Variants in SCARF1 observed in about 807,000 individuals in gnomAD.
SCARF1 encodes acetyl LDL receptor.
Under a neutral mutation model 76.3 loss-of-function variants are expected in SCARF1, and 49 were observed. The observed-to-expected ratio is 0.64, with a 90% confidence interval of 0.51 to 0.81. The LOEUF is 0.81. Among genes scored for constraint, SCARF1 ranks in the 40% least tolerant of loss-of-function variants. SCARF1 has a pLI of 0.00. For synonymous variants in SCARF1, 495 were observed against 474.6 expected, an observed-to-expected ratio of 1.04 and a Z score of -0.56; for missense variants, 1,098 against 1,143.9, an observed-to-expected ratio of 0.96 and a Z score of 0.58.
chr17:1,639,658 G>A lies in SCARF1; in HGVS notation c.1224C>T (p.Val408=). 1 of 1,572,864 alleles carries A rather than the reference G, an allele frequency of 6.4e-7. No individual in the cohort carries two copies. The highest frequency in any genetic ancestry group is 8.6e-7 in the Non-Finnish European group (1 of 1,159,040). ...CCTTACCTGGCTGGCAGGACCCAGA[G>A]ACAGGGTGGCAGAGTCCCTCTGGGC... is the stretch of plus-strand genomic sequence containing the variant. ...CECPEGLCHP[V]SGSCQPGSGS... The change falls in exon 7 of 11, where the codon GTC becomes GTT. Residue 408 remains valine, a synonymous_variant. Transcript: ENST00000263071.
In SCARF1 at chr17:1,639,937, A is replaced by G; in HGVS notation, c.1114T>C (p.Cys372Arg). The change falls in exon 6 of 11, where the codon TGC becomes CGC. Residue 372 changes from cysteine to arginine, a missense_variant. Physicochemically the swap from Cys to Arg is radical, Grantham distance 180 (BLOSUM62 -3). Coordinates refer to ENST00000263071, the MANE Select transcript of SCARF1 (RefSeq NM_003693.4). ...CTGGGCCCCCAGTAGCCGGCACTGC[A>G]GACACAGTCCCCTGTCACAGTATCA... Reference protein sequence around the residue: ...SCDTVTGDCVCSAGYWGPSCN... With the variant: ...SCDTVTGDCVRSAGYWGPSCN... 1.2e-6 allele frequency: 2 copies of G among 1,613,988 alleles called. No individual in the cohort carries two copies. The highest frequency in any genetic ancestry group is 1.7e-6 in the Non-Finnish European group (2 of 1,179,962).
Position 1,644,621 on chromosome 17 carries a change from G to A in SCARF1, c.265+213C>T. 1 of 600,858 alleles carries A rather than the reference G, an allele frequency of 1.7e-6. No homozygotes were observed. The highest frequency in any genetic ancestry group is 3.0e-6 in the Non-Finnish European group (1 of 336,342). The allele number at this position is 600,858 out of a possible 1,614,324, so 37.2% of individuals were successfully genotyped here. A position where few individuals can be genotyped will look rare whatever the true frequency, so the allele number is the denominator to read the frequency against. ...AGAGGAAGATGCTCAGGTGGGCAGT[G>A]CTTTGTGGATGTGGGTAAAAACCCG... On this transcript the variant is annotated intron_variant, in intron 3 of 10. Coordinates refer to ENST00000263071, the MANE Select transcript of SCARF1 (RefSeq NM_003693.4). This position sits in a 1 kb window ranked among gnomAD's most constrained non-coding sequence, Gnocchi z 4.8.
Position 1,640,713 on chromosome 17 carries a change from A to C in SCARF1, c.792-47T>G. ...GGGAACAGTGGGGGTGGATGGATGG[A>C]GCGCCCACCCCCTCCTACCCCTGTA... is the stretch of plus-strand genomic sequence containing the variant. On this transcript the variant is annotated intron_variant, in intron 4 of 10. Transcript: ENST00000263071. The surrounding 1 kb of genome is among the most constrained non-coding windows in gnomAD (Gnocchi z 4.7). 1 of 1,533,308 alleles carries C rather than the reference A, an allele frequency of 6.5e-7. No homozygotes were observed. The highest frequency in any genetic ancestry group is 8.9e-7 in the Non-Finnish European group (1 of 1,118,810). The allele number at this position is 1,533,308 out of a possible 1,614,324, so 95.0% of individuals were successfully genotyped here.
chr17:1,641,730 TA>T (rs1410875504), intron 4 of SCARF1, among the ~76,000 whole-genome samples: 1 of 152,196 alleles, frequency 6.6e-6, no homozygotes, highest in Non-Finnish European at 1.5e-5. Flanking sequence ...ATTTTATTAT[TA>T]TTTTCTTCAA....
intron 7 of SCARF1, among the ~76,000 whole-genome samples, 168 bp from the exon 8 acceptor site, chr17:1,639,094 A>G (rs1234748649): frequency 1.3e-5 from 2 of 152,202 alleles, no homozygotes; most frequent in Non-Finnish European, 2.9e-5. Context: ...CCCTGAGGCC[A>G]TGTCAGTGTC....
intron 7 of SCARF1, among the ~76,000 whole-genome samples, chr17:1,639,201 C>T (rs1909837996): frequency 6.6e-6 from 1 of 152,182 alleles, no homozygotes; most frequent in Admixed American, 6.5e-5. Flanking sequence ...CCACACAGAG[C>T]TCAGGTATAA....
rs563594671 is a variant in SCARF1, at chr17:1,634,271, C to A, written c.*487G>T. On this transcript the variant is annotated 3_prime_UTR_variant, in exon 11 of 11. Coordinates refer to ENST00000263071, the MANE Select transcript of SCARF1 (RefSeq NM_003693.4). Reference sequence around the variant, plus strand: ...AAGCGTGGTGGAGGGCACCTGTAGTCCCAGCTACTCGGGAGGCTGAGGCAG... The same window carrying A: ...AAGCGTGGTGGAGGGCACCTGTAGTACCAGCTACTCGGGAGGCTGAGGCAG... 56 of 198,914 alleles carry A rather than the reference C, an allele frequency of 2.8e-4. No homozygotes were observed. The highest frequency in any genetic ancestry group is 9.1e-4 in the Admixed American group (15 of 16,542). The allele number at this position is 198,914 out of a possible 1,614,324, so 12.3% of individuals were successfully genotyped here.
chr17:1,640,844 C>G lies in SCARF1; in HGVS notation c.792-178G>C, dbSNP rs934714061. Among the ~76,000 whole-genome samples, 3 of 152,156 alleles carry G rather than the reference C, an allele frequency of 2.0e-5. No individual in the cohort carries two copies. Among genetic ancestry groups the G allele is most frequent in the African/African-American group, 7.2e-5 (3 of 41,426 alleles). ...GTTGTACAATGAGGACAAATGAGGG[C>G]TCTTACAGGATCCCATCCCTTTCCT... On this transcript the variant is annotated intron_variant, in intron 4 of 10. Transcript: ENST00000263071. The surrounding 1 kb of genome is among the most constrained non-coding windows in gnomAD (Gnocchi z 4.7).
In SCARF1 at chr17:1,635,020, C is replaced by T; in HGVS notation, c.2231G>A (p.Gly744Asp). ...QALNRKKGSP[G>D]LASGSVGQSP... is the part of the protein sequence containing the mutation. ...CTGGCCGACAGAGCCAGAGGCAAGG[C>T]CAGGGCTGCCCTTTTTCCGATTCAG... Residue 744 changes from glycine to aspartate, a missense_variant, in exon 11 of 11, where the codon GGC becomes GAC. Coordinates refer to ENST00000263071, the MANE Select transcript of SCARF1 (RefSeq NM_003693.4). 6.2e-7 allele frequency: 1 copy of T among 1,613,844 alleles called. No homozygotes were observed. The highest frequency in any genetic ancestry group is 1.1e-5 in the South Asian group (1 of 91,082).
rs1363714685 is a variant in SCARF1 at position 1,636,961 on chromosome 17, T to TG, written c.1465dup (p.His489ProfsTer32). The TG allele has an allele frequency of 6.2e-7, 1 of 1,613,958 alleles. No individual in the cohort carries two copies. The highest frequency in any genetic ancestry group is 1.7e-5 in the Admixed American group (1 of 60,012). The stretch of plus-strand genomic sequence containing the variant: ...CTGACCTGTCACCCAGGGTAGCTTG[T>TG]GGGAGCTGAGGGAACGGCAGGGCAG... On this transcript the variant is annotated frameshift_variant, in exon 9 of 11. Coordinates refer to ENST00000263071, the MANE Select transcript of SCARF1 (RefSeq NM_003693.4). LOFTEE classifies it high-confidence loss of function.
chr17:1,643,499 C>T lies in SCARF1; in HGVS notation c.734G>A (p.Gly245Glu). Residue 245 changes from glycine to glutamate, a missense_variant, in exon 4 of 11, where the codon GGA (glycine) becomes GAA (glutamate). Physicochemically the swap from Gly to Glu is moderately conservative, Grantham distance 98 (BLOSUM62 -2). Coordinates refer to ENST00000263071, the MANE Select transcript of SCARF1 (RefSeq NM_003693.4). Reference sequence around the variant, plus strand: ...CGGGCAGGGCAGCTCGCAGCGCGCTCCGCGGAAGCCGGGCGGGCAGGTGCA... The same window carrying T: ...CGGGCAGGGCAGCTCGCAGCGCGCTTCGCGGAAGCCGGGCGGGCAGGTGCA... The part of the protein sequence containing the change: ...GECTCPPGFR[G>E]ARCELPCPAG... The T allele has an allele frequency of 7.5e-7, 1 of 1,342,004 alleles. No homozygotes were observed. The allele number at this position is 1,342,004 out of a possible 1,614,324, so 83.1% of individuals were successfully genotyped here. A position where few individuals can be genotyped will look rare whatever the true frequency, so the allele number is the denominator to read the frequency against.
rs1289594070 is a variant in SCARF1, at chr17:1,639,970, C to T, written c.1081G>A (p.Gly361Arg). 7 of 1,613,958 alleles carry T rather than the reference C, an allele frequency of 4.3e-6. No individual in the cohort carries two copies. Among genetic ancestry groups the T allele is most frequent in the Non-Finnish European group, 5.9e-6 (7 of 1,180,006 alleles). The change falls in exon 6 of 11, where the codon GGG (glycine) becomes AGG (arginine). Residue 361 changes from glycine to arginine, a missense_variant. Physicochemically the swap from Gly to Arg is moderately radical, Grantham distance 125. Transcript: ENST00000263071. ...CGSTCPTCVQ[G>R]SCDTVTGDCV... ...TCCCCTGTCACAGTATCACAGGACC[C>T]CTGAACACAGGTGGGGCAGGTAGAG... is the stretch of plus-strand genomic sequence containing the variant.
chr17:1,642,012 G>A (rs1371588247), intron 4 of SCARF1, among the ~76,000 whole-genome samples: 7 of 152,188 alleles, frequency 4.6e-5, no homozygotes, highest in South Asian at 2.1e-4. Flanking sequence ...GTGAGCCACC[G>A]CGCCCAGCCA....
chr17:1,640,119 A>G lies in SCARF1; in HGVS notation c.1011-79T>C. 6.6e-7 allele frequency: 1 copy of G among 1,521,476 alleles called. No homozygotes were observed. The highest frequency in any genetic ancestry group is 8.9e-7 in the Non-Finnish European group (1 of 1,125,868). The allele number at this position is 1,521,476 out of a possible 1,614,324, so 94.2% of individuals were successfully genotyped here. The stretch of plus-strand genomic sequence containing the variant: ...CTGTGGGGCCCCACCCCTCCGCCCC[A>G]CGCTCCTGGACTCAAGGACCCAACT... On this transcript the variant is annotated intron_variant, in intron 5 of 10. Transcript: ENST00000263071. The surrounding 1 kb of genome is among the most constrained non-coding windows in gnomAD (Gnocchi z 4.7).
chr17:1,640,881 G>T lies in SCARF1; in HGVS notation c.792-215C>A, dbSNP rs949849822. On this transcript the variant is annotated intron_variant, in intron 4 of 10. Transcript: ENST00000263071. This position sits in a 1 kb window ranked among gnomAD's most constrained non-coding sequence, Gnocchi z 4.7. ...CCCATCCCTTTCCTTCCAGGCATCT[G>T]CTCTGTGACCGTCTTTCCCTGGGTC... Among the ~76,000 whole-genome samples, 1 of 152,120 alleles carries T rather than the reference G, an allele frequency of 6.6e-6. No individual in the cohort carries two copies. The highest frequency in any genetic ancestry group is 2.4e-5 in the African/African-American group (1 of 41,422).
At position 1,644,938 on chromosome 17, in the gene SCARF1, GAA is replaced by G; in HGVS notation, c.164-5_164-4del. 1 of 1,612,468 alleles carries G rather than the reference GAA, an allele frequency of 6.2e-7. No homozygotes were observed. The highest frequency in any genetic ancestry group is 8.5e-7 in the Non-Finnish European group (1 of 1,179,594). ...GGCGTCCGGCCCCTCACAGATGGCT[GAA>G]AGACACCCCACCCAGGTTGGAAAGA... is the stretch of plus-strand genomic sequence containing the variant. On this transcript the variant is annotated splice_region_variant and splice_polypyrimidine_tract_variant and intron_variant, in intron 2 of 10. Transcript: ENST00000263071. The surrounding 1 kb of genome is among the most constrained non-coding windows in gnomAD (Gnocchi z 4.8).
chr17:1,645,459 A>C lies in SCARF1; in HGVS notation c.101+138T>G. The C allele has an allele frequency of 6.6e-7, 1 of 1,517,706 alleles. No homozygotes were observed. Among genetic ancestry groups the C allele is most frequent in the Non-Finnish European group, 8.8e-7 (1 of 1,136,624 alleles). 94.0% of individuals were successfully genotyped at this position (1,517,706 alleles called of 1,614,324 possible). On this transcript the variant is annotated intron_variant, in intron 1 of 10. Transcript: ENST00000263071. This position sits in a 1 kb window ranked among gnomAD's most constrained non-coding sequence, Gnocchi z 6.3. ...CACTACCTGCCAGACCGCCATCAGC[A>C]GTCCCTTCCTTTCAGCCTAAGCCCC...
In SCARF1 at chr17:1,635,098, C is replaced by A. The variant is rs1274676996; in HGVS notation, c.2153G>T (p.Gly718Val). The A allele has an allele frequency of 6.2e-7, 1 of 1,613,926 alleles. No individual in the cohort carries two copies. Among genetic ancestry groups the A allele is most frequent in the Non-Finnish European group, 8.5e-7 (1 of 1,180,038 alleles). The change falls in exon 11 of 11, where the codon GGC becomes GTC. Residue 718 changes from glycine to valine, a missense_variant. Coordinates refer to ENST00000263071, the MANE Select transcript of SCARF1 (RefSeq NM_003693.4). ...VFRHFGSFQK[G>V]QAEAKVKRAI... ...CCTCTTGACCTTGGCTTCCGCCTGG[C>A]CTTTCTGGAAGCTACCAAAATGGCG...
rs1910445969 is a variant in SCARF1 at position 1,645,319 on chromosome 17, T to C, written c.102-80A>G. On this transcript the variant is annotated intron_variant, in intron 1 of 10. Coordinates refer to ENST00000263071, the MANE Select transcript of SCARF1 (RefSeq NM_003693.4). The surrounding 1 kb of genome is among the most constrained non-coding windows in gnomAD (Gnocchi z 6.3). ...AGGAAGGTGGATCACTGTCTCTGGCTGCAGTGGGGGAGGCTGCCTTAGCCC... is the reference window on the plus strand; with the variant it reads ...AGGAAGGTGGATCACTGTCTCTGGCCGCAGTGGGGGAGGCTGCCTTAGCCC... The C allele has an allele frequency of 6.5e-7, 1 of 1,547,440 alleles. No individual in the cohort carries two copies. Among genetic ancestry groups the C allele is most frequent in the Non-Finnish European group, 8.8e-7 (1 of 1,135,640 alleles).
Sources: allele counts gnomAD v4.1 joint callset (sites outside exome capture counted in the v4.1 genomes callset), GRCh38; gene constraint gnomAD v4.1.1; non-coding constraint Gnocchi (gnomAD v3.1); transcripts MANE v1.5; gene names NCBI Gene and HGNC (gene_info 2026-07-23, HGNC 2026-07-21).